The following ADAMTS18 variants were observed in gnomAD, a reference collection of about 807,000 sequenced individuals.
The protein encoded by ADAMTS18 is ADAM metallopeptidase with thrombospondin type 1 motif 18.
Under a neutral mutation model 165.9 loss-of-function variants are expected in ADAMTS18, and 157 were observed. The observed-to-expected ratio is 0.95, with a 90% CI of 0.83 to 1.08. The LOEUF is 1.08. Among genes scored for constraint, ADAMTS18 ranks in the 50% least tolerant of loss-of-function variants. ADAMTS18 has a pLI of 0.00. For synonymous variants in ADAMTS18, 782 were observed against 578.2 expected, an observed-to-expected ratio of 1.35 and a Z score of -5.06; for missense variants, 2,040 against 1,534.0, an observed-to-expected ratio of 1.33 and a Z score of -5.51.
intron 6 of ADAMTS18, 112 bp from the exon 7 acceptor site, chr16:77,362,376 G>C: frequency 8.3e-7 from 1 of 1,200,842 alleles, no homozygotes. Flanking sequence ...AAAAAGATCA[G>C]TAAACACTTG....
chr16:77,339,977 C>T (rs1422706645), intron 11 of ADAMTS18, among the ~76,000 whole-genome samples: 1 of 152,170 alleles, frequency 6.6e-6, no homozygotes, highest in African/African-American at 2.4e-5. Flanking sequence ...AACTGAAGAA[C>T]TTTAACCCAC....
intron 16 of ADAMTS18, among the ~76,000 whole-genome samples, chr16:77,308,751 A>C (rs2055727361): frequency 6.6e-6 from 1 of 152,166 alleles, no homozygotes. Flanking sequence ...GGCATACTCA[A>C]AAAGCCCAGC....
intron 10 of ADAMTS18, among the ~76,000 whole-genome samples, chr16:77,352,077 T>A (rs12597784): frequency 6.6e-6 from 1 of 152,100 alleles, no homozygotes; most frequent in East Asian, 1.9e-4. Flanking sequence ...TTTCTGAAAG[T>A]AAGCTCCATG....
chr16:77,406,083 A>C (rs2057390012), intron 3 of ADAMTS18, among the ~76,000 whole-genome samples: 1 of 152,308 alleles, frequency 6.6e-6, no homozygotes, highest in Non-Finnish European at 1.5e-5. Context: ...AAAATTACAG[A>C]CCAAATTTTC....
chr16:77,324,849 C>T (rs76367099), intron 13 of ADAMTS18, among the ~76,000 whole-genome samples: 13,239 of 152,172 alleles, frequency 0.087, 792 homozygotes, highest in East Asian at 0.27. Context: ...TCTATAGGTA[C>T]CTCATTACTT....
intron 7 of ADAMTS18, among the ~76,000 whole-genome samples, chr16:77,361,892 A>G (rs1377578836): frequency 2.0e-5 from 3 of 152,060 alleles, no homozygotes; most frequent in Non-Finnish European, 2.9e-5. Context: ...CTCAAATTAA[A>G]AAAAATACAA....
chr16:77,402,089 AG>A (rs1385708504), intron 3 of ADAMTS18, among the ~76,000 whole-genome samples: 10 of 152,132 alleles, frequency 6.6e-5, no homozygotes, highest in Non-Finnish European at 1.0e-4. Context: ...CCCTATAATA[AG>A]TTCCCTAGCT....
chr16:77,404,794 C>T (rs771323734), intron 3 of ADAMTS18, among the ~76,000 whole-genome samples: 21 of 152,114 alleles, frequency 1.4e-4, no homozygotes, highest in Admixed American at 2.0e-4. Flanking sequence ...AATAATCACT[C>T]TCTATCCTCA....
Position 77,341,648 on chromosome 16 carries a change from G to C in ADAMTS18, c.1710+56C>G. The stretch of plus-strand genomic sequence containing the variant: ...CCTAAGGTCACAATACAAACAGTTT[G>C]AATTCTATGCCTTATCAAATTTCTG... On this transcript the variant is annotated intron_variant, in intron 11 of 22. Coordinates refer to ENST00000282849, the MANE Select transcript of ADAMTS18 (RefSeq NM_199355.4). The C allele has an allele frequency of 1.0e-5, 14 of 1,403,630 alleles. No homozygotes were observed. The South Asian group carries it at 1.5e-4, about 16-fold the overall frequency. 86.9% of individuals were successfully genotyped at this position (1,403,630 alleles called of 1,614,324 possible).
Position 77,332,368 on chromosome 16 carries a change from C to T in ADAMTS18, c.1859+3388G>A, listed in dbSNP as rs577871105. Among the ~76,000 whole-genome samples, 5 of 152,284 alleles carry T rather than the reference C, an allele frequency of 3.3e-5. No homozygotes were observed. In the South Asian group the frequency reaches 8.3e-4, roughly 25 times the overall value. ...TGGGCTGACCCTCTGTGACCCCGTCCTCCTGGTGAGCTTGGGATGAGGATG... is the reference window on the plus strand; with the variant it reads ...TGGGCTGACCCTCTGTGACCCCGTCTTCCTGGTGAGCTTGGGATGAGGATG... On this transcript the variant is annotated intron_variant, in intron 12 of 22. Transcript: ENST00000282849.
At chr16:77,337,710 T>C (rs1210976125) in intron 11 of ADAMTS18, among the ~76,000 whole-genome samples, 3 of 152,184 alleles carry the variant, frequency 2.0e-5, no homozygotes, top group African/African-American at 7.2e-5. Context: ...TTCTATTACT[T>C]CAGTATTTGT....
chr16:77,330,403 G>C (rs2056168195), intron 12 of ADAMTS18, among the ~76,000 whole-genome samples: 1 of 152,182 alleles, frequency 6.6e-6, no homozygotes, highest in Non-Finnish European at 1.5e-5. Flanking sequence ...AAAGGATTAA[G>C]ACTATGGGAA....
At chr16:77,306,539 T>C (rs1049921808) in intron 16 of ADAMTS18, among the ~76,000 whole-genome samples, 1 of 152,186 alleles carries the variant, frequency 6.6e-6, no homozygotes, top group Non-Finnish European at 1.5e-5. Flanking sequence ...TTTGTATTTG[T>C]TTCATTATTT....
chr16:77,357,161 T>C (rs968557510), intron 8 of ADAMTS18, among the ~76,000 whole-genome samples: 1 of 152,138 alleles, frequency 6.6e-6, no homozygotes, highest in Non-Finnish European at 1.5e-5. Flanking sequence ...TATCCTGATA[T>C]AATTTCATTT....
chr16:77,318,097 A>G (rs1480367082), intron 16 of ADAMTS18, among the ~76,000 whole-genome samples: 2 of 152,200 alleles, frequency 1.3e-5, no homozygotes, highest in Admixed American at 1.3e-4. Flanking sequence ...TTAAGTAAAA[A>G]TCATCGGACA....
At chr16:77,426,931 T>A (rs1308286325) in intron 3 of ADAMTS18, among the ~76,000 whole-genome samples, 2 of 152,176 alleles carry the variant, frequency 1.3e-5, no homozygotes, top group African/African-American at 4.8e-5. Context: ...GGAGTATTGC[T>A]TAAGCCTGGG....
At chr16:77,286,247 T>TCAAGTGGTCGTAAAA (rs1567451223) in intron 22 of ADAMTS18, among the ~76,000 whole-genome samples, 11 of 151,974 alleles carry the variant, frequency 7.2e-5, no homozygotes, top group Non-Finnish European at 1.2e-4. Flanking sequence ...AAGTGCTAAA[T>TCAAGTGGTCGTAAAA]AATCAAGTGG....
At chr16:77,406,474 C>T (rs886508429) in intron 3 of ADAMTS18, among the ~76,000 whole-genome samples, 1 of 151,916 alleles carries the variant, frequency 6.6e-6, no homozygotes, top group African/African-American at 2.4e-5. Context: ...CACTTGAGGT[C>T]CTTGACACTA....
intron 9 of ADAMTS18, 98 bp from the exon 10 acceptor site, chr16:77,353,984 T>C (rs770108753): frequency 3.7e-5 from 53 of 1,426,560 alleles, no homozygotes; most frequent in Non-Finnish European, 4.5e-5. Flanking sequence ...AAGAAAAATA[T>C]AGCATGGTTC....
Sources: allele counts gnomAD v4.1 joint callset (sites outside exome capture counted in the v4.1 genomes callset), GRCh38; gene constraint gnomAD v4.1.1; transcripts MANE v1.5; gene names NCBI Gene and HGNC (gene_info 2026-07-23, HGNC 2026-07-21).